ARIH2: variants seen among roughly 807,000 people sequenced by gnomAD.
ARIH2 encodes ariadne RBR E3 ubiquitin protein ligase 2.
ARIH2 carries 12 observed loss-of-function variants against 79.8 expected under a neutral mutation model. The observed-to-expected ratio is 0.15, with a 90% CI of 0.10 to 0.24. The LOEUF is 0.24. ARIH2 is among the 10% of genes least tolerant of loss of function. ARIH2 has a pLI of 1.00. For missense variants in ARIH2, 301 were observed against 618.3 expected, an observed-to-expected ratio of 0.49 and a Z score of 5.44; for synonymous variants, 224 against 213.9, an observed-to-expected ratio of 1.05 and a Z score of -0.41.
intron 3 of ARIH2, among the ~76,000 whole-genome samples, chr3:48,935,294 A>T (rs2107102590): frequency 6.6e-6 from 1 of 152,346 alleles, no homozygotes; most frequent in East Asian, 1.9e-4. Flanking sequence ...TAATCAGTAG[A>T]TATATGTATT....
At chr3:48,940,806 A>AT (rs1462537614) in intron 3 of ARIH2, among the ~76,000 whole-genome samples, 17 of 87,144 alleles carry the variant, frequency 2.0e-4, no homozygotes, top group African/African-American at 5.0e-4. Context: ...AAAAAAAAAA[A>AT]AAATATATAT....
intron 3 of ARIH2, among the ~76,000 whole-genome samples, chr3:48,928,887 G>A (rs1221810258): frequency 6.6e-6 from 1 of 151,536 alleles, no homozygotes; most frequent in African/African-American, 2.4e-5. Flanking sequence ...GTCTTGTGCT[G>A]AGCAGAAAAC....
In ARIH2 at chr3:48,926,388, C is replaced by T. The variant is rs569573861; in HGVS notation, c.-97-1074C>T. Among the ~76,000 whole-genome samples the T allele has an allele frequency of 3.2e-4, 49 of 151,778 alleles. No homozygotes were observed. In the South Asian group the frequency reaches 0.01, roughly 31 times the overall value. On this transcript the variant is annotated intron_variant, in intron 2 of 15. Transcript: ENST00000356401. ...GTTCAAGCGTTTCTCCTGTCTTAGCCTCCCAAGTAGCTGGGATTACAGGTG... is the reference window on the plus strand; with the variant it reads ...GTTCAAGCGTTTCTCCTGTCTTAGCTTCCCAAGTAGCTGGGATTACAGGTG...
intron 3 of ARIH2, among the ~76,000 whole-genome samples, chr3:48,958,800 C>T (rs902741575): frequency 1.3e-5 from 2 of 151,976 alleles, no homozygotes; most frequent in Non-Finnish European, 2.9e-5. Context: ...AGATTGCTTG[C>T]GCTTAGGAGT....
chr3:48,939,300 A>G (rs2087673838), intron 3 of ARIH2, among the ~76,000 whole-genome samples: 1 of 152,082 alleles, frequency 6.6e-6, no homozygotes, highest in Non-Finnish European at 1.5e-5. Context: ...GCAGAGAAAT[A>G]GGACCCTTAG....
In ARIH2 at chr3:48,982,973, C is replaced by T; in HGVS notation, c.1404C>T (p.Asp468=). The change falls in exon 15 of 16, where the codon GAC becomes GAT. Residue 468 remains aspartate (D), a synonymous_variant. Transcript: ENST00000356401. Reference sequence around the variant, plus strand: ...AAGTGGAGCGTGCAGACAGCTATGACAGAGGGGTAAGTGCCTACTGTCCTC... The same window carrying T: ...AAGTGGAGCGTGCAGACAGCTATGATAGAGGGGTAAGTGCCTACTGTCCTC... The part of the protein sequence containing the change: ...SWKVERADSY[D]RGDLENQMHI... 6.2e-7 allele frequency: 1 copy of T among 1,614,042 alleles called. No individual in the cohort carries two copies. The highest frequency in any genetic ancestry group is 2.2e-5 in the East Asian group (1 of 44,886).
At chr3:48,969,767 T>C (rs1274378251) in intron 7 of ARIH2, among the ~76,000 whole-genome samples, 1 of 152,122 alleles carries the variant, frequency 6.6e-6, no homozygotes, top group Admixed American at 6.6e-5. Flanking sequence ...TTGTCTTTTT[T>C]GCCTAAGCTT....
At chr3:48,955,950 T>C (rs1053414027) in intron 3 of ARIH2, among the ~76,000 whole-genome samples, 1 of 152,180 alleles carries the variant, frequency 6.6e-6, no homozygotes, top group African/African-American at 2.4e-5. Context: ...CTGCTTTTGC[T>C]CAGAGGACTC....
intron 14 of ARIH2, among the ~76,000 whole-genome samples, chr3:48,982,139 T>G (rs2092772579): frequency 6.6e-6 from 1 of 152,260 alleles, no homozygotes; most frequent in South Asian, 2.1e-4. Flanking sequence ...ATAGTGTTAA[T>G]AAACTAGTAA....
chr3:48,920,165 G>C, intron 1 of ARIH2, among the ~76,000 whole-genome samples: 1 of 151,668 alleles, frequency 6.6e-6, no homozygotes, highest in East Asian at 1.9e-4. Context: ...ATTTTTTGTG[G>C]ATACGTGATC....
Position 48,973,743 on chromosome 3 carries a change from C to T in ARIH2, c.815C>T (p.Thr272Ile). ...TATCACGCACCCACAGACTGTGCCA[C>T]AATCCGGAAATGGCTCACGAAGTGT... ...QMYHAPTDCA[T>I]IRKWLTKCAD... Residue 272 changes from threonine to isoleucine, a missense_variant, in exon 9 of 16, where the codon ACA becomes ATA. Around this residue, in one of 2 missense-constraint regions of ARIH2, gnomAD observed 223 missense variants for 349.4 expected, o/e 0.64. Coordinates refer to ENST00000356401, the MANE Select transcript of ARIH2 (RefSeq NM_006321.4). 2 of 1,614,156 alleles carry T rather than the reference C, an allele frequency of 1.2e-6. No homozygotes were observed. Among genetic ancestry groups the T allele is most frequent in the East Asian group, 2.2e-5 (1 of 44,880 alleles).
intron 3 of ARIH2, among the ~76,000 whole-genome samples, chr3:48,950,996 C>T (rs375276757): frequency 3.3e-4 from 48 of 147,614 alleles, no homozygotes; most frequent in African/African-American, 1.2e-3. Flanking sequence ...AGTGTCTTGC[C>T]CTGTCACCCA....
chr3:48,922,243 G>A (rs934421060), intron 1 of ARIH2: 1 of 151,972 alleles, frequency 6.6e-6, no homozygotes, highest in Non-Finnish European at 1.5e-5. Context: ...AAAAAAAGAA[G>A]TGGTCTTTCA....
At chr3:48,968,719 C>G (rs989137188) in intron 7 of ARIH2, 64 bp downstream of exon 7, 2 of 1,565,946 alleles carry the variant, frequency 1.3e-6, no homozygotes, top group African/African-American at 1.4e-5. Context: ...AGGGTCACCA[C>G]AGTTACTTAC....
At chr3:48,980,837 A>C (rs2092717857) in intron 13 of ARIH2, among the ~76,000 whole-genome samples, 1 of 151,728 alleles carries the variant, frequency 6.6e-6, no homozygotes, top group Non-Finnish European at 1.5e-5. Flanking sequence ...CCTGGCCAAC[A>C]TGGTGAAATC....
chr3:48,967,287 A>G lies in ARIH2; in HGVS notation c.538+12A>G. The G allele has an allele frequency of 6.2e-7, 1 of 1,612,150 alleles. No individual in the cohort carries two copies. Among genetic ancestry groups the G allele is most frequent in the Non-Finnish European group, 8.5e-7 (1 of 1,178,850 alleles). ...CGGCGTGGGCGTGGGTGAGTCTGCC[A>G]CAAAACTTATAAAAAGCTGGCATGA... On this transcript the variant is annotated intron_variant, in intron 6 of 15. Transcript: ENST00000356401.
In ARIH2 at chr3:48,927,493, G is replaced by T; in HGVS notation, c.-66G>T. 6.4e-7 allele frequency: 1 copy of T among 1,561,816 alleles called. No individual in the cohort carries two copies. Among genetic ancestry groups the T allele is most frequent in the Non-Finnish European group, 8.6e-7 (1 of 1,156,742 alleles). The stretch of plus-strand genomic sequence containing the variant: ...AAAATACTAATGCATTTGAGAAAGC[G>T]GTAGTTTTGGGGGGAGGGGGAAAAA... On this transcript the variant is annotated 5_prime_UTR_variant, in exon 3 of 16. Transcript: ENST00000356401.
intron 1 of ARIH2, among the ~76,000 whole-genome samples, chr3:48,921,984 C>A (rs373199675): frequency 2.0e-5 from 3 of 152,230 alleles, no homozygotes; most frequent in African/African-American, 7.2e-5. Context: ...TAGCATTATT[C>A]TGTGTTAGAT....
At chr3:48,924,673 G>A in intron 2 of ARIH2, 1 of 151,732 alleles carries the variant, frequency 6.6e-6, no homozygotes, top group Non-Finnish European at 1.5e-5. Context: ...GCACCACCCT[G>A]CCAAGCTAAT....
Sources: gnomAD v4.1 joint callset for allele counts (sites outside exome capture counted in the v4.1 genomes callset) on GRCh38, gnomAD v4.1.1 for gene constraint, gnomAD v4.1.1 regional missense constraint, MANE v1.5 for transcripts, NCBI Gene and HGNC (gene_info 2026-07-23, HGNC 2026-07-21) for gene names.